WDPCP: variants seen among roughly 807,000 people sequenced by gnomAD.
WDPCP encodes the protein WD repeat containing planar cell polarity effector, also known as WD repeat-containing and planar cell polarity effector protein fritz homolog.
WDPCP carries 71 observed loss-of-function variants against 93.1 expected under a neutral mutation model. That is an observed-to-expected ratio of 0.76 (90% CI 0.63 to 0.93). WDPCP has a LOEUF of 0.93. Among genes scored for constraint, WDPCP ranks in the 40% least tolerant of loss-of-function variants. The probability of loss-of-function intolerance (pLI) is 0.00; values close to 1 mark genes in which losing one functional copy is unlikely to be tolerated. For missense variants in WDPCP, 844 were observed against 887.4 expected (o/e 0.95, Z 0.62); for synonymous variants, 315 against 315.0 (o/e 1.00, Z 0.00).
intron 12 of WDPCP, among the ~76,000 whole-genome samples, chr2:63,350,756 AC>A (rs2104548294): frequency 6.6e-6 from 1 of 152,200 alleles, no homozygotes; most frequent in African/African-American, 2.4e-5. Context: ...TTGGATGTCT[AC>A]TGGCAATTTG....
intron 14 of WDPCP, among the ~76,000 whole-genome samples, chr2:63,254,942 A>C (rs780170405): frequency 3.3e-5 from 5 of 152,164 alleles, no homozygotes; most frequent in Non-Finnish European, 5.9e-5. Context: ...CATCATCACA[A>C]TTAAGAAGTA....
At chr2:63,605,452 A>G (rs761502517) in intron 3 of WDPCP, 4 of 1,220,438 alleles carry the variant, frequency 3.3e-6, no homozygotes, top group Non-Finnish European at 4.8e-6. Context: ...CTGATGATAT[A>G]ATATAAAAAG....
intron 9 of WDPCP, among the ~76,000 whole-genome samples, chr2:63,419,744 A>T (rs1695704981): frequency 1.3e-5 from 2 of 152,210 alleles, no homozygotes; most frequent in Admixed American, 1.3e-4. Context: ...TCAGGTATGG[A>T]ATATATCTAT....
chr2:63,320,096 G>T (rs540154467), intron 12 of WDPCP, among the ~76,000 whole-genome samples: 8 of 152,130 alleles, frequency 5.3e-5, no homozygotes, highest in East Asian at 1.9e-4. Flanking sequence ...TGAAAAGAAG[G>T]TTAAAAATTG....
At chr2:63,700,073 C>A (rs892133140) in intron 2 of WDPCP, among the ~76,000 whole-genome samples, 8 of 151,686 alleles carry the variant, frequency 5.3e-5, no homozygotes, top group Non-Finnish European at 1.0e-4. Flanking sequence ...ATGTGTTGAG[C>A]CCAGGAGTTT....
At chr2:63,430,269 G>A (rs1368898519) in intron 9 of WDPCP, among the ~76,000 whole-genome samples, 1 of 152,006 alleles carries the variant, frequency 6.6e-6, no homozygotes, top group East Asian at 1.9e-4. Flanking sequence ...TACCTACTGG[G>A]TACTATGCTC....
intron 3 of WDPCP, chr2:63,644,104 TTTG>T: frequency 2.9e-6 from 1 of 343,012 alleles, no homozygotes; most frequent in Non-Finnish European, 5.7e-6. Context: ...TTGTTAGTAT[TTTG>T]TTGAGAATTT....
chr2:63,758,671 C>T (rs917446618), intron 2 of WDPCP, among the ~76,000 whole-genome samples: 1 of 152,160 alleles, frequency 6.6e-6, no homozygotes, highest in East Asian at 1.9e-4. Flanking sequence ...AACTCCTGGG[C>T]TCAAGTGATC....
intron 17 of WDPCP, among the ~76,000 whole-genome samples, chr2:63,140,173 T>G (rs1050893388): frequency 6.6e-5 from 10 of 152,246 alleles, no homozygotes; most frequent in African/African-American, 2.4e-4. Context: ...TTGATCTGTA[T>G]GCCTATTTTT....
intron 2 of WDPCP, among the ~76,000 whole-genome samples, chr2:63,708,721 G>C (rs1669210539): frequency 6.6e-6 from 1 of 152,062 alleles, no homozygotes; most frequent in African/African-American, 2.4e-5. Context: ...CTCACGCTGG[G>C]AGCTCTAGAT....
At chr2:63,312,216 C>T (rs780923341) in intron 13 of WDPCP, among the ~76,000 whole-genome samples, 5 of 152,084 alleles carry the variant, frequency 3.3e-5, no homozygotes, top group Non-Finnish European at 7.4e-5. Context: ...GAATGACATA[C>T]ATTTAGAATT....
At chr2:63,573,159 C>T (rs1168799537) in intron 1 of WDPCP, among the ~76,000 whole-genome samples, 1 of 151,754 alleles carries the variant, frequency 6.6e-6, no homozygotes, top group Non-Finnish European at 1.5e-5. Flanking sequence ...ACCAGGATCA[C>T]TTGAGCCCAG....
intron 12 of WDPCP, among the ~76,000 whole-genome samples, chr2:63,336,666 G>A (rs1484163644): frequency 2.0e-5 from 3 of 151,806 alleles, no homozygotes; most frequent in Admixed American, 6.6e-5. Flanking sequence ...AAATGCCCTT[G>A]TATTCCTGTG....
At chr2:63,161,434 G>A (rs1672634791) in intron 15 of WDPCP, among the ~76,000 whole-genome samples, 1 of 152,168 alleles carries the variant, frequency 6.6e-6, no homozygotes, top group African/African-American at 2.4e-5. Flanking sequence ...ATATGGCACA[G>A]AGATAATAAA....
chr2:63,391,295 T>C (rs1693223907), intron 10 of WDPCP, among the ~76,000 whole-genome samples: 1 of 152,122 alleles, frequency 6.6e-6, no homozygotes, highest in Non-Finnish European at 1.5e-5. Flanking sequence ...AAAAACCATA[T>C]GATTATCTCA....
At chr2:63,727,824 C>T (rs75815167) in intron 2 of WDPCP, among the ~76,000 whole-genome samples, 30,282 of 152,018 alleles carry the variant, frequency 0.2, 3,277 homozygotes, top group Middle Eastern at 0.28. Context: ...CTAGGTTTTC[C>T]AGTTTGTGTG....
intron 12 of WDPCP, among the ~76,000 whole-genome samples, chr2:63,373,115 C>T (rs753758054): frequency 5.9e-5 from 9 of 152,002 alleles, no homozygotes; most frequent in Non-Finnish European, 1.0e-4. Context: ...AAGAGTGAAA[C>T]GCCATATCAA....
intron 12 of WDPCP, among the ~76,000 whole-genome samples, chr2:63,324,772 TCAA>T (rs1687400972): frequency 6.6e-6 from 1 of 152,202 alleles, no homozygotes; most frequent in African/African-American, 2.4e-5. Context: ...CACTGGGACC[TCAA>T]CTCAGATCAT....
chr2:63,640,960 CCTAACCTCCTA>C (rs1709974151), intron 3 of WDPCP, among the ~76,000 whole-genome samples: 1 of 152,196 alleles, frequency 6.6e-6, no homozygotes, highest in Non-Finnish European at 1.5e-5. Flanking sequence ...CCATCTTCCT[CCTAACCTCCTA>C]CTAACCTTCC....
Sources: gnomAD v4.1 joint callset for allele counts (sites outside exome capture counted in the v4.1 genomes callset) on GRCh38, gnomAD v4.1.1 for gene constraint, MANE v1.5 for transcripts, NCBI Gene and HGNC (gene_info 2026-07-23, HGNC 2026-07-21) for gene names.